DNAAF3: variants seen among roughly 807,000 people sequenced by gnomAD.
The protein encoded by DNAAF3 is dynein axonemal assembly factor 3.
DNAAF3 carries 40 observed loss-of-function variants against 50.9 expected under a neutral mutation model. The observed-to-expected ratio is 0.79, with a 90% CI of 0.61 to 1.02. The LOEUF is 1.02. Among genes scored for constraint, DNAAF3 ranks in the 50% least tolerant of loss-of-function variants. DNAAF3 has a pLI of 0.00. For missense variants in DNAAF3, 763 were observed against 744.7 expected (o/e 1.02, Z -0.29); for synonymous variants, 327 against 322.8 (o/e 1.01, Z -0.14).
Position 55,160,692 on chromosome 19 carries a change from C to A in DNAAF3, c.996G>T (p.Gly332=). ...AAWGRARATG[G]DLEEQQHAEG... is the part of the protein sequence containing the mutation. ...CCGCGTGCTGCTGCTCCTCCAGGTC[C>A]CCCCCGGTGGCTCTCGCGCGCCCCC... The change falls in exon 9 of 12, where the codon GGG becomes GGT. Residue 332 remains glycine, a synonymous_variant. Transcript: ENST00000524407. This position sits in a 1 kb window ranked among gnomAD's most constrained non-coding sequence, Gnocchi z 4.7. 1.1e-5 allele frequency: 17 copies of A among 1,613,758 alleles called. No individual in the cohort carries two copies. Among genetic ancestry groups the A allele is most frequent in the Non-Finnish European group, 1.4e-5 (17 of 1,179,978 alleles).
intron 4 of DNAAF3, among the ~76,000 whole-genome samples, chr19:55,162,980 CTTTTTCTTTTCTTTTTCTTTT>C (rs2085865157): frequency 1.8e-5 from 2 of 108,130 alleles, no homozygotes; most frequent in South Asian, 6.4e-4. Context: ...TGTTTTATTT[CTTTTTCTTTTCTTTTTCTTTT>C]TTTTTTTTTT....
At chr19:55,166,722 T>G, upstream of DNAAF3, 181 of 1,494,578 alleles carry the variant, frequency 1.2e-4, no homozygotes, top group Middle Eastern at 3.5e-4. The surrounding 1 kb of genome is among the most constrained non-coding windows in gnomAD (Gnocchi z 4.0). Flanking sequence ...TTTTGGCCAA[T>G]GGGAGCACTG....
rs1160280127 is a variant in DNAAF3 at position 55,159,108 on chromosome 19, G to T, written c.1580C>A (p.Ala527Asp). The part of the protein sequence containing the change: ...LSEVLAQPQG[A>D]LAPPNCESDS... ...TGACTCACAGTTGGGCGGAGCCAAGGCCCCCTGAGGCTGAGCCAGAACCTC... is the reference window on the plus strand; with the variant it reads ...TGACTCACAGTTGGGCGGAGCCAAGTCCCCCTGAGGCTGAGCCAGAACCTC... The change falls in exon 12 of 12, where the codon GCC becomes GAC. Residue 527 changes from alanine to aspartate, a missense_variant. By Grantham distance (126) the Ala-to-Asp change is moderately radical. Transcript: ENST00000524407. 3 of 1,610,886 alleles carry T rather than the reference G, an allele frequency of 1.9e-6. No homozygotes were observed. In the African/African-American group the frequency reaches 4.0e-5, roughly 22 times the overall value.
Position 55,166,360 on chromosome 19 carries a change from G to T in DNAAF3, c.54C>A (p.Gly18=), listed in dbSNP as rs1045659712. 2.5e-6 allele frequency: 4 copies of T among 1,613,802 alleles called. No individual in the cohort carries two copies. In the Admixed American group the frequency reaches 6.7e-5, roughly 27 times the overall value. ...CCTGCAGGTCCAGCGCCGGGGACAG[G>T]CCCCACCAGGACACGGAGCCGAAGC... ...GSGFGSVSWW[G]LSPALDLQAE... The change falls in exon 2 of 12, where the codon GGC becomes GGA. Residue 18 remains glycine, a synonymous_variant. Coordinates refer to ENST00000524407, the MANE Select transcript of DNAAF3 (RefSeq NM_001256715.2). The surrounding 1 kb of genome is among the most constrained non-coding windows in gnomAD (Gnocchi z 4.0).
At position 55,160,695 on chromosome 19, in the gene DNAAF3, C is replaced by G. The variant is rs2147294181; in HGVS notation, c.993G>C (p.Gly331=). 1 of 1,613,760 alleles carries G rather than the reference C, an allele frequency of 6.2e-7. No individual in the cohort carries two copies. Among genetic ancestry groups the G allele is most frequent in the East Asian group, 2.2e-5 (1 of 44,852 alleles). The change falls in exon 9 of 12, where the codon GGG becomes GGC. Residue 331 remains glycine, a synonymous_variant. Transcript: ENST00000524407. This position sits in a 1 kb window ranked among gnomAD's most constrained non-coding sequence, Gnocchi z 4.7. Reference sequence around the variant, plus strand: ...CGTGCTGCTGCTCCTCCAGGTCCCCCCCGGTGGCTCTCGCGCGCCCCCAGG... The same window carrying G: ...CGTGCTGCTGCTCCTCCAGGTCCCCGCCGGTGGCTCTCGCGCGCCCCCAGG... ...VAAWGRARAT[G]GDLEEQQHAE... is the part of the protein sequence containing the mutation.
rs2085849116 is a variant in DNAAF3, at chr19:55,162,190, G to C, written c.423C>G (p.Val141=). The part of the protein sequence containing the change: ...RAQADLLAHL[V]PEPDRLEEQL... ...GTTCCTCCAGGCGGTCGGGCTCGGGGACCAGGTGCGCCAGCAGGTCGGCCT... is the reference window on the plus strand; with the variant it reads ...GTTCCTCCAGGCGGTCGGGCTCGGGCACCAGGTGCGCCAGCAGGTCGGCCT... The change falls in exon 5 of 12, where the codon GTC becomes GTG. Residue 141 remains valine (V), a synonymous_variant. Coordinates refer to ENST00000524407, the MANE Select transcript of DNAAF3 (RefSeq NM_001256715.2). 8.0e-7 allele frequency: 1 copy of C among 1,253,712 alleles called. No individual in the cohort carries two copies. Among genetic ancestry groups the C allele is most frequent in the African/African-American group, 1.5e-5 (1 of 64,798 alleles). 77.7% of individuals were successfully genotyped at this position (1,253,712 alleles called of 1,614,324 possible).
Position 55,161,616 on chromosome 19 carries a change from C to A in DNAAF3, c.663+27G>T. The A allele has an allele frequency of 1.3e-6, 2 of 1,524,900 alleles. No homozygotes were observed. The highest frequency in any genetic ancestry group is 2.3e-4 in the Middle Eastern group (1 of 4,310). The allele number at this position is 1,524,900 out of a possible 1,614,324, so 94.5% of individuals were successfully genotyped here. A position where few individuals can be genotyped will look rare whatever the true frequency, so the allele number is the denominator to read the frequency against. On this transcript the variant is annotated intron_variant, in intron 6 of 11. Transcript: ENST00000524407. This position sits in a 1 kb window ranked among gnomAD's most constrained non-coding sequence, Gnocchi z 6.4. Reference sequence around the variant, plus strand: ...CTCCCTCAGACCCAGGGGTCCAGGCCCCCAGCCCCTCTCCTGGGCCCCTCA... The same window carrying A: ...CTCCCTCAGACCCAGGGGTCCAGGCACCCAGCCCCTCTCCTGGGCCCCTCA...
In DNAAF3 at chr19:55,166,226, A is replaced by G; in HGVS notation, c.85+103T>C. 1.9e-6 allele frequency: 3 copies of G among 1,548,906 alleles called. No homozygotes were observed. The highest frequency in any genetic ancestry group is 1.7e-6 in the Non-Finnish European group (2 of 1,146,526). On this transcript the variant is annotated intron_variant, in intron 2 of 11. Transcript: ENST00000524407. The surrounding 1 kb of genome is among the most constrained non-coding windows in gnomAD (Gnocchi z 4.0). Reference sequence around the variant, plus strand: ...TGCCGCTGGAGCGTTGGAGAACGTTAGCGCCCCCCTTGCCACCGACGCTGG... The same window carrying G: ...TGCCGCTGGAGCGTTGGAGAACGTTGGCGCCCCCCTTGCCACCGACGCTGG...
In DNAAF3 at chr19:55,161,327, T is replaced by C. The variant is rs757536895; in HGVS notation, c.755A>G (p.Asn252Ser). Residue 252 changes from asparagine (N) to serine (S), a missense_variant, in exon 7 of 12, where the codon AAC becomes AGC. By Grantham distance (46) the Asn-to-Ser change is conservative. Transcript: ENST00000524407. This position sits in a 1 kb window ranked among gnomAD's most constrained non-coding sequence, Gnocchi z 6.4. The stretch of plus-strand genomic sequence containing the variant: ...GAGGCGACCGGACGCCAGGGTCCGG[T>C]TGGGCACATGATAGGCGCTGGAGTC... ...LRDSSAYHVP[N>S]RTLASGRLLS... 59 of 1,609,112 alleles carry C rather than the reference T, an allele frequency of 3.7e-5. No individual in the cohort carries two copies. Among genetic ancestry groups the C allele is most frequent in the Non-Finnish European group, 4.2e-5 (50 of 1,178,336 alleles).
At position 55,160,691 on chromosome 19, in the gene DNAAF3, C is replaced by A. The variant is rs571791610; in HGVS notation, c.997G>T (p.Asp333Tyr). Residue 333 changes from aspartate to tyrosine, a missense_variant, in exon 9 of 12, where the codon GAC becomes TAC. Physicochemically the swap from Asp to Tyr is radical, Grantham distance 160. Coordinates refer to ENST00000524407, the MANE Select transcript of DNAAF3 (RefSeq NM_001256715.2). The surrounding 1 kb of genome is among the most constrained non-coding windows in gnomAD (Gnocchi z 4.7). ...TCCGCGTGCTGCTGCTCCTCCAGGT[C>A]CCCCCCGGTGGCTCTCGCGCGCCCC... Reference protein sequence around the residue: ...AWGRARATGGDLEEQQHAEGS... With the variant: ...AWGRARATGGYLEEQQHAEGS... 2.4e-5 allele frequency: 39 copies of A among 1,612,846 alleles called. No homozygotes were observed. The highest frequency in any genetic ancestry group is 1.4e-4 in the South Asian group (13 of 91,046).
At position 55,161,677 on chromosome 19, in the gene DNAAF3, T is replaced by C. The variant is rs2147297629; in HGVS notation, c.629A>G (p.Asp210Gly). The change falls in exon 6 of 12, where the codon GAC (aspartate) becomes GGC (glycine). Residue 210 changes from aspartate (D) to glycine (G), a missense_variant. Transcript: ENST00000524407. The surrounding 1 kb of genome is among the most constrained non-coding windows in gnomAD (Gnocchi z 6.4). ...ATGCAGCTTCATGCGCAGGTCCCAGTCGCTGACACCGCGCCGGGCGTCGTA... is the reference window on the plus strand; with the variant it reads ...ATGCAGCTTCATGCGCAGGTCCCAGCCGCTGACACCGCGCCGGGCGTCGTA... ...SRYDARRGVS[D>G]WDLRMKLHDR... is the part of the protein sequence containing the mutation. 7.8e-6 allele frequency: 12 copies of C among 1,539,796 alleles called. No homozygotes were observed. In the South Asian group the frequency reaches 1.4e-4, roughly 18 times the overall value.
rs2085851361 is a variant in DNAAF3 at position 55,162,266 on chromosome 19, A to G, written c.347T>C (p.Val116Ala). 2.9e-5 allele frequency: 36 copies of G among 1,249,482 alleles called. No homozygotes were observed. The highest frequency in any genetic ancestry group is 3.6e-5 in the Non-Finnish European group (36 of 989,202). The allele number at this position is 1,249,482 out of a possible 1,614,324, so 77.4% of individuals were successfully genotyped here. ...CGGGCGCAGCAGCGCGTTCCCCCAC[A>G]CTTCCAGGAAGGTCTCGCTTCGCTC... The part of the protein sequence containing the change: ...LQERSETFLE[V>A]WGNALLRPPV... The change falls in exon 5 of 12, where the codon GTG (valine) becomes GCG (alanine). Residue 116 changes from valine (V) to alanine (A), a missense_variant. Val to Ala is a moderately conservative substitution (Grantham distance 64, BLOSUM62 0). Coordinates refer to ENST00000524407, the MANE Select transcript of DNAAF3 (RefSeq NM_001256715.2).
At position 55,165,924 on chromosome 19, in the gene DNAAF3, A is replaced by T. The variant is rs372718229; in HGVS notation, c.162T>A (p.Ser54=). The stretch of plus-strand genomic sequence containing the variant: ...TCCGCAGCAGGTGCCGTCCATCCAC[A>T]GAGCCCAGAAGCAGCACATCTAGCT... The part of the protein sequence containing the change: ...NPELDVLLLG[S]VDGRHLLRTL... Residue 54 remains serine (S), a synonymous_variant, in exon 3 of 12, where the codon TCT becomes TCA. Coordinates refer to ENST00000524407, the MANE Select transcript of DNAAF3 (RefSeq NM_001256715.2). 178 of 1,614,048 alleles carry T rather than the reference A, an allele frequency of 1.1e-4. No individual in the cohort carries two copies. The highest frequency in any genetic ancestry group is 1.6e-4 in the Middle Eastern group (1 of 6,084).
At position 55,166,219 on chromosome 19, in the gene DNAAF3, G is replaced by C; in HGVS notation, c.85+110C>G. On this transcript the variant is annotated intron_variant, in intron 2 of 11. Transcript: ENST00000524407. This position sits in a 1 kb window ranked among gnomAD's most constrained non-coding sequence, Gnocchi z 4.0. ...CGCCCTCTGCCGCTGGAGCGTTGGA[G>C]AACGTTAGCGCCCCCCTTGCCACCG... 6.5e-7 allele frequency: 1 copy of C among 1,548,362 alleles called. No individual in the cohort carries two copies.
In DNAAF3 at chr19:55,161,313, A is replaced by G. The variant is rs752702733; in HGVS notation, c.769T>C (p.Ser257Pro). 1 of 1,609,404 alleles carries G rather than the reference A, an allele frequency of 6.2e-7. No homozygotes were observed. Among genetic ancestry groups the G allele is most frequent in the African/African-American group, 1.3e-5 (1 of 74,530 alleles). ...AYHVPNRTLA[S>P]GRLLSYRGER... is the part of the protein sequence containing the mutation. Reference sequence around the variant, plus strand: ...CGCACGTAGCTCAGGAGGCGACCGGACGCCAGGGTCCGGTTGGGCACATGA... The same window carrying G: ...CGCACGTAGCTCAGGAGGCGACCGGGCGCCAGGGTCCGGTTGGGCACATGA... Residue 257 changes from serine (S) to proline (P), a missense_variant, in exon 7 of 12, where the codon TCC becomes CCC. Coordinates refer to ENST00000524407, the MANE Select transcript of DNAAF3 (RefSeq NM_001256715.2). This position sits in a 1 kb window ranked among gnomAD's most constrained non-coding sequence, Gnocchi z 6.4.
chr19:55,166,160 C>G lies in DNAAF3; in HGVS notation c.86-160G>C. ...TCTGAGTATTCTGGGATTCGCAGTC[C>G]GCAGACAGGACCTCGGGGCTGCCCC... On this transcript the variant is annotated intron_variant, in intron 2 of 11. Transcript: ENST00000524407. This position sits in a 1 kb window ranked among gnomAD's most constrained non-coding sequence, Gnocchi z 4.0. The G allele has an allele frequency of 6.4e-7, 1 of 1,551,376 alleles. No homozygotes were observed. Among genetic ancestry groups the G allele is most frequent in the Non-Finnish European group, 8.7e-7 (1 of 1,149,100 alleles).
Position 55,166,018 on chromosome 19 carries a change from G to C in DNAAF3, c.86-18C>G. The C allele has an allele frequency of 1.9e-6, 3 of 1,614,228 alleles. No individual in the cohort carries two copies. The highest frequency in any genetic ancestry group is 1.7e-6 in the Non-Finnish European group (2 of 1,180,048). On this transcript the variant is annotated intron_variant, in intron 2 of 11. Transcript: ENST00000524407. The surrounding 1 kb of genome is among the most constrained non-coding windows in gnomAD (Gnocchi z 4.0). ...AGGAGGACCTGGCAAGATGACAGCT[G>C]GCTGGGGCACCATGGTGGTTGGCAG...
chr19:55,166,363 C>CCACCAGGA lies in DNAAF3; in HGVS notation c.43_50dup (p.Trp17CysfsTer34). The CCACCAGGA allele has an allele frequency of 6.2e-7, 1 of 1,613,850 alleles. No individual in the cohort carries two copies. The highest frequency in any genetic ancestry group is 8.5e-7 in the Non-Finnish European group (1 of 1,179,902). ...GCAGGTCCAGCGCCGGGGACAGGCC[C>CCACCAGGA]CACCAGGACACGGAGCCGAAGCCGC... On this transcript the variant is annotated frameshift_variant, in exon 2 of 12. Transcript: ENST00000524407. LOFTEE classifies it high-confidence loss of function. The surrounding 1 kb of genome is among the most constrained non-coding windows in gnomAD (Gnocchi z 4.0).
intron 4 of DNAAF3, 45 bp downstream of exon 4, chr19:55,165,325 G>T: frequency 6.5e-7 from 1 of 1,549,202 alleles, no homozygotes; most frequent in Non-Finnish European, 8.9e-7. Flanking sequence ...CTCTAGGGAG[G>T]GGGAGGAGAC....
Sources: allele counts gnomAD v4.1 joint callset (sites outside exome capture counted in the v4.1 genomes callset), GRCh38; gene constraint gnomAD v4.1.1; non-coding constraint Gnocchi (gnomAD v3.1); transcripts MANE v1.5; gene names NCBI Gene and HGNC (gene_info 2026-07-23, HGNC 2026-07-21).